GNAO1: variants seen among roughly 807,000 people sequenced by gnomAD.
GNAO1 encodes G protein subunit alpha o1.
For synonymous variants in GNAO1, 164 were observed against 180.7 expected (o/e 0.91, Z 0.74); for missense variants, 166 against 478.7 (o/e 0.35, Z 6.10).
intron 2 of GNAO1, among the ~76,000 whole-genome samples, chr16:56,265,586 T>G (rs2036943571): frequency 1.3e-5 from 2 of 152,202 alleles, no homozygotes; most frequent in Non-Finnish European, 2.9e-5. Flanking sequence ...TCCCTCCAGC[T>G]GGTGGGTTGA....
intron 3 of GNAO1, among the ~76,000 whole-genome samples, chr16:56,313,195 A>G (rs1596858709): frequency 6.6e-6 from 1 of 152,238 alleles, no homozygotes; most frequent in African/African-American, 2.4e-5. Context: ...GGCAGAACTT[A>G]TGAAGATATT....
At chr16:56,340,585 AG>A (rs1374678064) in intron 6 of GNAO1, 9 of 478,774 alleles carry the variant, frequency 1.9e-5, no homozygotes, top group Non-Finnish European at 3.4e-5. Context: ...TCTCTTTGGA[AG>A]GGGGCAGCAT....
intron 6 of GNAO1, among the ~76,000 whole-genome samples, 198 bp downstream of exon 6, chr16:56,337,058 A>T (rs1302499923): frequency 1.3e-5 from 2 of 152,256 alleles, no homozygotes; most frequent in African/African-American, 4.8e-5. Flanking sequence ...ATGCCTCATG[A>T]TGCCAGTGTG....
At chr16:56,277,112 C>T (rs1309739592) in intron 3 of GNAO1, 13 of 152,224 alleles carry the variant, frequency 8.5e-5, no homozygotes, top group Admixed American at 2.6e-4. Flanking sequence ...AATCCTAATT[C>T]CATGGGGCAG....
At chr16:56,328,976 G>T in intron 4 of GNAO1, 185 bp downstream of exon 4, 1 of 597,200 alleles carries the variant, frequency 1.7e-6, no homozygotes, top group Non-Finnish European at 2.9e-6. Context: ...TGCACCCCAG[G>T]AGGAGAAAGA....
chr16:56,257,550 G>C (rs181177447), intron 2 of GNAO1, among the ~76,000 whole-genome samples: 179 of 152,236 alleles, frequency 1.2e-3, no homozygotes, highest in East Asian at 4.1e-3. Context: ...TGGGTCCTTG[G>C]GGGGGTGTGG....
chr16:56,346,449 T>G (rs1373230495), intron 6 of GNAO1: 3 of 984,960 alleles, frequency 3.0e-6, no homozygotes, highest in Non-Finnish European at 3.6e-6. Flanking sequence ...GCCAAACTCA[T>G]GAAAATTGTG....
In GNAO1 at chr16:56,192,035, G is replaced by T. The variant is rs1305645299; in HGVS notation, c.-201G>T. ...CCCAGACCCCTGCCAGCTGCCGCGA[G>T]TCTCCGCTGCTGGAATCTTGTTAGC... On this transcript the variant is annotated 5_prime_UTR_variant, in exon 1 of 9. Coordinates refer to ENST00000262493, the MANE Select transcript of GNAO1 (RefSeq NM_020988.3). 5.2e-6 allele frequency: 3 copies of T among 579,426 alleles called. No homozygotes were observed. The highest frequency in any genetic ancestry group is 1.9e-5 in the African/African-American group (1 of 53,276). The allele number at this position is 579,426 out of a possible 1,614,324, so 35.9% of individuals were successfully genotyped here.
At chr16:56,277,744 G>C (rs2037073556) in intron 3 of GNAO1, among the ~76,000 whole-genome samples, 1 of 147,772 alleles carries the variant, frequency 6.8e-6, no homozygotes, top group Non-Finnish European at 1.5e-5. Flanking sequence ...ATCTCAGCCA[G>C]ATAGCAGACA....
chr16:56,254,318 C>A (rs2036827401), intron 2 of GNAO1, among the ~76,000 whole-genome samples: 1 of 152,066 alleles, frequency 6.6e-6, no homozygotes. Context: ...TATTCCATTT[C>A]TAATAATGGA....
intron 3 of GNAO1, among the ~76,000 whole-genome samples, chr16:56,289,033 A>AAGGG (rs61481553): frequency 7.4e-6 from 1 of 136,000 alleles, no homozygotes; most frequent in Non-Finnish European, 1.6e-5. Context: ...TATCCAAAAA[A>AAGGG]GGGGGGGGGA....
At chr16:56,306,604 A>G (rs2037399177) in intron 3 of GNAO1, among the ~76,000 whole-genome samples, 1 of 152,114 alleles carries the variant, frequency 6.6e-6, no homozygotes, top group African/African-American at 2.4e-5. Context: ...CACTGCCTCC[A>G]CCTTATGTTA....
chr16:56,355,102 A>C (rs1263492224), intron 8 of GNAO1, 21 bp downstream of exon 8: 1 of 1,226,104 alleles, frequency 8.2e-7, no homozygotes, highest in South Asian at 1.3e-5. Context: ...CAGCACCCAC[A>C]GAACAGCTTG....
At chr16:56,295,209 C>T (rs1452964108) in intron 3 of GNAO1, among the ~76,000 whole-genome samples, 1 of 152,116 alleles carries the variant, frequency 6.6e-6, no homozygotes, top group Non-Finnish European at 1.5e-5. Context: ...GAGAGGTTTT[C>T]GTCTGCAGAT....
At chr16:56,342,216 C>T (rs1162572907) in intron 6 of GNAO1, among the ~76,000 whole-genome samples, 2 of 152,164 alleles carry the variant, frequency 1.3e-5, no homozygotes, top group African/African-American at 4.8e-5. Flanking sequence ...CCAGTGTGGG[C>T]CTGGAGTGGG....
At chr16:56,263,462 A>G (rs1453849561) in intron 2 of GNAO1, among the ~76,000 whole-genome samples, 2 of 152,224 alleles carry the variant, frequency 1.3e-5, no homozygotes, top group African/African-American at 4.8e-5. Context: ...AAAAATATAC[A>G]TACCAGGTGG....
chr16:56,239,446 T>C (rs1248225520), intron 2 of GNAO1, among the ~76,000 whole-genome samples: 1 of 152,106 alleles, frequency 6.6e-6, no homozygotes, highest in Non-Finnish European at 1.5e-5. Context: ...CTTCCTGCAG[T>C]TGGAAAAAAC....
At chr16:56,238,625 C>T (rs553890245) in intron 2 of GNAO1, among the ~76,000 whole-genome samples, 2 of 152,382 alleles carry the variant, frequency 1.3e-5, no homozygotes, top group South Asian at 2.1e-4. Flanking sequence ...AGTCTGCCTG[C>T]ACTCCTGATC....
chr16:56,290,851 A>G (rs1335920309), intron 3 of GNAO1, among the ~76,000 whole-genome samples: 3 of 152,146 alleles, frequency 2.0e-5, no homozygotes, highest in Admixed American at 2.0e-4. Context: ...CTCTGTCTCT[A>G]TGGATTTGTC....
Sources: allele counts gnomAD v4.1 joint callset (sites outside exome capture counted in the v4.1 genomes callset), GRCh38; gene constraint gnomAD v4.1.1; transcripts MANE v1.5; gene names NCBI Gene and HGNC (gene_info 2026-07-23, HGNC 2026-07-21).